The following KIAA1328 variants were observed in gnomAD, a reference collection of about 807,000 sequenced individuals.
KIAA1328 encodes KIAA1328.
A neutral mutation model predicts 68.1 loss-of-function variants in KIAA1328; 52 were observed. The observed-to-expected ratio is 0.76, with a 90% confidence interval of 0.61 to 0.96. The LOEUF is 0.96. KIAA1328 is among the 40% of genes least tolerant of loss of function. KIAA1328 has a pLI of 0.00. For missense variants in KIAA1328, 641 were observed against 677.6 expected, an observed-to-expected ratio of 0.95 and a Z score of 0.60; for synonymous variants, 232 against 239.4, an observed-to-expected ratio of 0.97 and a Z score of 0.28.
chr18:36,904,415 G>A (rs1386608449), intron 5 of KIAA1328, among the ~76,000 whole-genome samples: 1 of 151,864 alleles, frequency 6.6e-6, no homozygotes, highest in Admixed American at 6.6e-5. Flanking sequence ...ATTTTTAGAT[G>A]CACAAAGTTT....
chr18:37,006,964 C>G (rs2053807484), intron 6 of KIAA1328, among the ~76,000 whole-genome samples: 1 of 152,132 alleles, frequency 6.6e-6, no homozygotes, highest in East Asian at 1.9e-4. Flanking sequence ...ACAAAAGTGT[C>G]AAAGGCATTG....
chr18:37,146,522 G>A (rs934736329), intron 7 of KIAA1328, among the ~76,000 whole-genome samples: 4 of 152,102 alleles, frequency 2.6e-5, no homozygotes, highest in Admixed American at 6.6e-5. Flanking sequence ...TTGCTATTTT[G>A]CATAGTGCTG....
intron 7 of KIAA1328, among the ~76,000 whole-genome samples, chr18:37,142,663 T>C (rs1395650403): frequency 6.6e-6 from 1 of 152,186 alleles, no homozygotes; most frequent in Non-Finnish European, 1.5e-5. Context: ...TATGGACTTC[T>C]GTTTCATTGA....
intron 5 of KIAA1328, among the ~76,000 whole-genome samples, chr18:36,927,989 T>C (rs1245924820): frequency 6.6e-6 from 1 of 152,154 alleles, no homozygotes; most frequent in African/African-American, 2.4e-5. Context: ...TACATATATA[T>C]AATACTTAAA....
intron 9 of KIAA1328, among the ~76,000 whole-genome samples, chr18:37,176,513 C>T (rs1386750804): frequency 6.6e-6 from 1 of 152,234 alleles, no homozygotes; most frequent in African/African-American, 2.4e-5. Flanking sequence ...ACTGATCACA[C>T]ACCCCTAAGC....
At chr18:37,170,960 T>C (rs953730688) in intron 8 of KIAA1328, among the ~76,000 whole-genome samples, 2 of 152,154 alleles carry the variant, frequency 1.3e-5, no homozygotes, top group African/African-American at 4.8e-5. Context: ...GAGGGAACCT[T>C]CTGGAACAAG....
rs1412154746 is a variant in KIAA1328 at position 37,222,424 on chromosome 18, A to T, written c.*197A>T. ...AATCAGACCAGGCATTCGATAACAC[A>T]CTAAGGGGGTAGGAATGGAAGATGG... On this transcript the variant is annotated 3_prime_UTR_variant, in exon 10 of 10. Coordinates refer to ENST00000280020, the MANE Select transcript of KIAA1328 (RefSeq NM_020776.3). The T allele has an allele frequency of 2.1e-6, 3 of 1,419,964 alleles. No individual in the cohort carries two copies. In the East Asian group the frequency reaches 7.8e-5, roughly 37 times the overall value. 88.0% of individuals were successfully genotyped at this position (1,419,964 alleles called of 1,614,324 possible).
intron 7 of KIAA1328, among the ~76,000 whole-genome samples, chr18:37,080,060 A>G (rs909455683): frequency 3.9e-5 from 6 of 152,292 alleles, no homozygotes; most frequent in Admixed American, 2.6e-4. Context: ...ATGACCAGGA[A>G]GGTTCACAGT....
intron 9 of KIAA1328, among the ~76,000 whole-genome samples, chr18:37,220,819 T>TTTGG (rs943172594): frequency 7.9e-5 from 12 of 152,238 alleles, no homozygotes; most frequent in East Asian, 3.9e-4. Flanking sequence ...TTTTTGTTTG[T>TTTGG]TTGGTTGGTT....
chr18:37,065,854 A>G (rs964828806), intron 6 of KIAA1328, among the ~76,000 whole-genome samples: 9 of 152,220 alleles, frequency 5.9e-5, no homozygotes, highest in African/African-American at 1.9e-4. Context: ...TACACTGTGA[A>G]GAAAAGCTGC....
intron 5 of KIAA1328, among the ~76,000 whole-genome samples, chr18:36,903,101 GT>G (rs1033743646): frequency 9.9e-5 from 15 of 151,902 alleles, no homozygotes; most frequent in African/African-American, 3.6e-4. Context: ...AAAAATACAT[GT>G]TTATCATGGA....
chr18:36,907,697 A>ACAGT lies in KIAA1328; in HGVS notation c.448+22028_448+22031dup, dbSNP rs2049273693. 2.0e-5 allele frequency among the ~76,000 whole-genome samples: 3 copies of ACAGT among 152,270 alleles called. No homozygotes were observed. In the South Asian group the frequency reaches 6.2e-4, roughly 32 times the overall value. On this transcript the variant is annotated intron_variant, in intron 5 of 9. Transcript: ENST00000280020. ...GTTAAGAATTTTTGCTTAATGAGAGACAGTCATTAGTTTTCTTGGAATGAC... is the reference window on the plus strand; with the variant it reads ...GTTAAGAATTTTTGCTTAATGAGAGACAGTCAGTCATTAGTTTTCTTGGAATGAC...
intron 7 of KIAA1328, among the ~76,000 whole-genome samples, chr18:37,105,916 CAAAAAAAAAAA>C (rs58940699): frequency 2.6e-3 from 50 of 19,504 alleles, no homozygotes; most frequent in South Asian, 0.021. Context: ...GACTCTGTGT[CAAAAAAAAAAA>C]AAAAAAAAAA....
intron 8 of KIAA1328, among the ~76,000 whole-genome samples, chr18:37,166,021 A>G (rs1045921150): frequency 6.7e-6 from 1 of 149,404 alleles, no homozygotes; most frequent in African/African-American, 2.5e-5. Context: ...ACTGATTGGG[A>G]GATATTGGGG....
intron 9 of KIAA1328, among the ~76,000 whole-genome samples, chr18:37,209,430 C>G (rs562650354): frequency 9.2e-5 from 14 of 151,944 alleles, no homozygotes; most frequent in African/African-American, 3.1e-4. Flanking sequence ...GAGCCCATAC[C>G]GTTGGGGCAA....
At chr18:37,133,445 T>G (rs907024117) in intron 7 of KIAA1328, among the ~76,000 whole-genome samples, 2 of 152,006 alleles carry the variant, frequency 1.3e-5, no homozygotes, top group African/African-American at 2.4e-5. Context: ...ATCTTGATTG[T>G]GATGGTTAAA....
chr18:37,118,077 C>T (rs1328659375), intron 7 of KIAA1328, among the ~76,000 whole-genome samples: 1 of 150,828 alleles, frequency 6.6e-6, no homozygotes, highest in Non-Finnish European at 1.5e-5. Flanking sequence ...TTACTGCAGC[C>T]TTCACCTCTT....
chr18:36,918,597 T>G (rs1326349561), intron 5 of KIAA1328, among the ~76,000 whole-genome samples: 1 of 152,036 alleles, frequency 6.6e-6, no homozygotes, highest in Non-Finnish European at 1.5e-5. Context: ...GTATTTTTAG[T>G]AGAGACGGGG....
At chr18:36,868,385 T>C (rs545057631) in intron 4 of KIAA1328, among the ~76,000 whole-genome samples, 2 of 152,314 alleles carry the variant, frequency 1.3e-5, no homozygotes, top group South Asian at 4.1e-4. Context: ...TCAGAAGGTC[T>C]TTTTCAATAA....
Sources: gnomAD v4.1 joint callset for allele counts (sites outside exome capture counted in the v4.1 genomes callset) on GRCh38, gnomAD v4.1.1 for gene constraint, MANE v1.5 for transcripts, NCBI Gene and HGNC (gene_info 2026-07-23, HGNC 2026-07-21) for gene names.